ANKRD13C: variants seen among roughly 807,000 people sequenced by gnomAD.
ANKRD13C encodes the protein ankyrin repeat domain 13C.
A neutral mutation model predicts 65.5 loss-of-function variants in ANKRD13C; 16 were observed. The ratio of observed to expected loss-of-function variants is 0.24; its 90% CI spans 0.17 to 0.37. ANKRD13C has a LOEUF of 0.37. Ranked by LOEUF, ANKRD13C falls within the 10% of genes least tolerant of loss-of-function variation. The pLI, the probability that ANKRD13C is intolerant of heterozygous loss-of-function variation, is 1.00. For missense variants in ANKRD13C, 503 were observed against 655.9 expected (o/e 0.77, Z 2.55); for synonymous variants, 235 against 238.7 (o/e 0.98, Z 0.14).
intron 8 of ANKRD13C, among the ~76,000 whole-genome samples, chr1:70,294,788 T>A (rs1680010127): frequency 6.6e-6 from 1 of 152,084 alleles, no homozygotes; most frequent in African/African-American, 2.4e-5. Flanking sequence ...ACCTCAGCCA[T>A]CTAATTTTTA....
In ANKRD13C at chr1:70,261,344, C is replaced by A. The variant is rs763305582; in HGVS notation, c.*1373G>T. 2.6e-5 allele frequency: 4 copies of A among 151,802 alleles called. No individual in the cohort carries two copies. Among genetic ancestry groups the A allele is most frequent in the African/African-American group, 9.7e-5 (4 of 41,352 alleles). The allele number at this position is 151,802 out of a possible 1,614,324, so 9.4% of individuals were successfully genotyped here. On this transcript the variant is annotated 3_prime_UTR_variant, in exon 13 of 13. Coordinates refer to ENST00000370944, the MANE Select transcript of ANKRD13C (RefSeq NM_030816.5). ...AACTCCTTTCAAATTACCTAAAATC[C>A]TGAAAAAAGTTTAAGCTACTGGTCA...
At chr1:70,266,209 G>A (rs1678625831) in intron 12 of ANKRD13C, among the ~76,000 whole-genome samples, 3 of 152,148 alleles carry the variant, frequency 2.0e-5, no homozygotes, top group South Asian at 2.1e-4. Flanking sequence ...TTTTCACTTC[G>A]AATACTTTAT....
At chr1:70,331,709 GCTACT>G (rs1226619511) in intron 2 of ANKRD13C, among the ~76,000 whole-genome samples, 1 of 149,260 alleles carries the variant, frequency 6.7e-6, no homozygotes, top group African/African-American at 2.5e-5. Context: ...TGTAATCCCA[GCTACT>G]ACTAGGTAGG....
intron 3 of ANKRD13C, among the ~76,000 whole-genome samples, chr1:70,322,319 G>A (rs1315605948): frequency 6.6e-6 from 1 of 152,116 alleles, no homozygotes; most frequent in Non-Finnish European, 1.5e-5. Context: ...AACCGTAAGA[G>A]ATATTCAATT....
chr1:70,335,963 T>G (rs1682006887), intron 2 of ANKRD13C, 95 bp downstream of exon 2: 3 of 375,766 alleles, frequency 8.0e-6, no homozygotes, highest in Non-Finnish European at 1.4e-5. Flanking sequence ...ATAAAATGAG[T>G]TTTTAAAAAC....
chr1:70,303,698 T>G (rs1168825314), intron 6 of ANKRD13C, among the ~76,000 whole-genome samples: 1 of 152,196 alleles, frequency 6.6e-6, no homozygotes, highest in Admixed American at 6.5e-5. Flanking sequence ...CTTAAAGATT[T>G]CTCTTTGAAT....
At chr1:70,266,818 G>A (rs182195015) in intron 12 of ANKRD13C, among the ~76,000 whole-genome samples, 2 of 152,118 alleles carry the variant, frequency 1.3e-5, no homozygotes, top group Non-Finnish European at 2.9e-5. Context: ...TATGATTTTC[G>A]GTTCTTTTAT....
intron 4 of ANKRD13C, among the ~76,000 whole-genome samples, chr1:70,314,623 C>G (rs1458518806): frequency 6.6e-6 from 1 of 151,714 alleles, no homozygotes; most frequent in East Asian, 1.9e-4. Context: ...ACATATATAG[C>G]AACATCAACA....
intron 9 of ANKRD13C, among the ~76,000 whole-genome samples, chr1:70,288,768 A>G (rs906647874): frequency 1.3e-5 from 2 of 152,206 alleles, no homozygotes; most frequent in Non-Finnish European, 2.9e-5. Context: ...AAATGTGCCT[A>G]TAAAAGAGGT....
chr1:70,332,796 C>A (rs538321350), intron 2 of ANKRD13C, among the ~76,000 whole-genome samples: 1 of 152,122 alleles, frequency 6.6e-6, no homozygotes, highest in South Asian at 2.1e-4. Flanking sequence ...CTGATATAAA[C>A]CGATGATGAA....
chr1:70,262,688 T>C lies in ANKRD13C; in HGVS notation c.*29A>G. ...CTAGGGTCTCTGTATTTTCTTTCCT[T>C]GGTTAGACGGCATCCTTTTCCACGT... On this transcript the variant is annotated 3_prime_UTR_variant, in exon 13 of 13. Transcript: ENST00000370944. The C allele has an allele frequency of 6.2e-7, 1 of 1,601,276 alleles. No individual in the cohort carries two copies. The highest frequency in any genetic ancestry group is 8.5e-7 in the Non-Finnish European group (1 of 1,172,670).
chr1:70,266,159 T>C (rs1678622315), intron 12 of ANKRD13C, among the ~76,000 whole-genome samples: 1 of 152,206 alleles, frequency 6.6e-6, no homozygotes. Flanking sequence ...ACCCCTTCTG[T>C]AGTCCCTGGC....
Position 70,270,921 on chromosome 1 carries a change from T to A in ANKRD13C, c.1430A>T (p.Lys477Met). ...AAATTCTCTAAGCTTGTTAAAGTGC[T>A]TGAAGGGAGCTACTACTTCTAAAAC... ...LNVLEVVAPF[K>M]HFNKLREFVQ... Residue 477 changes from lysine (K) to methionine (M), a missense_variant, in exon 12 of 13, where the codon AAG becomes ATG. By Grantham distance (95) the Lys-to-Met change is moderately conservative (BLOSUM62 -1). Around this residue, in one of 2 missense-constraint regions of ANKRD13C, gnomAD observed 300 missense variants for 478.3 expected, o/e 0.63. Transcript: ENST00000370944. 6.2e-7 allele frequency: 1 copy of A among 1,613,122 alleles called. No individual in the cohort carries two copies.
chr1:70,311,393 T>C (rs1206136780), intron 5 of ANKRD13C, among the ~76,000 whole-genome samples: 3 of 152,148 alleles, frequency 2.0e-5, no homozygotes, highest in Non-Finnish European at 2.9e-5. Flanking sequence ...TAGGATCACT[T>C]GAACCCAGGA....
rs1572075316 is a variant in ANKRD13C at position 70,295,705 on chromosome 1, A to G, written c.1053+425T>C. Among the ~76,000 whole-genome samples, 3 of 152,320 alleles carry G rather than the reference A, an allele frequency of 2.0e-5. No individual in the cohort carries two copies. In the East Asian group the frequency reaches 5.8e-4, roughly 29 times the overall value. On this transcript the variant is annotated intron_variant, in intron 8 of 12. Transcript: ENST00000370944. ...CAGAAATGTAAGGTTATTTAATCTT[A>G]CTCATATGTATAGAATACAAGAAAA...
chr1:70,335,405 CAA>C (rs369800668), intron 2 of ANKRD13C, among the ~76,000 whole-genome samples: 15 of 104,984 alleles, frequency 1.4e-4, no homozygotes, highest in Admixed American at 1.9e-4. Context: ...GACTCTGCCT[CAA>C]AAAAAAAAAA....
chr1:70,309,444 C>A (rs1469757748), intron 5 of ANKRD13C, among the ~76,000 whole-genome samples: 2 of 149,202 alleles, frequency 1.3e-5, no homozygotes, highest in African/African-American at 4.9e-5. Flanking sequence ...ATAGGCCGGG[C>A]GCGGTGGCTC....
intron 3 of ANKRD13C, 42 bp downstream of exon 3, chr1:70,324,811 T>A (rs758534314): frequency 2.9e-6 from 4 of 1,393,650 alleles, no homozygotes; most frequent in African/African-American, 1.4e-5. Context: ...TCACTTCATA[T>A]TTTTAGAAGA....
chr1:70,287,737 TG>T (rs539388504), intron 9 of ANKRD13C, among the ~76,000 whole-genome samples: 63 of 152,282 alleles, frequency 4.1e-4, no homozygotes, highest in African/African-American at 1.2e-3. Context: ...CCAGGCATAA[TG>T]GCTCATGCCT....
Sources: gnomAD v4.1 joint callset for allele counts (sites outside exome capture counted in the v4.1 genomes callset) on GRCh38, gnomAD v4.1.1 for gene constraint, gnomAD v4.1.1 regional missense constraint, MANE v1.5 for transcripts, NCBI Gene and HGNC (gene_info 2026-07-23, HGNC 2026-07-21) for gene names.